Variants in CLIC4 observed in about 807,000 individuals in gnomAD.
CLIC4 encodes the protein chloride intracellular channel protein 4.
In CLIC4, 13 loss-of-function variants were observed where a neutral mutation model predicts 24.6. That is an observed-to-expected ratio of 0.53 (90% CI 0.34 to 0.84). CLIC4 has a LOEUF of 0.84. CLIC4 is among the 40% of genes least tolerant of loss of function. The probability of loss-of-function intolerance (pLI) is 0.01; values close to 1 mark genes in which losing one functional copy is unlikely to be tolerated. For synonymous variants in CLIC4, 104 were observed against 111.3 expected (o/e 0.93, Z 0.41); for missense variants, 227 against 301.7 (o/e 0.75, Z 1.83).
At chr1:24,785,887 AAAG>A (rs1380385616) in intron 1 of CLIC4, among the ~76,000 whole-genome samples, 140 of 151,720 alleles carry the variant, frequency 9.2e-4, no homozygotes, top group Non-Finnish European at 1.8e-3. Context: ...GAAAAGAAAA[AAAG>A]AAAAACTGAA....
chr1:24,783,647 G>A (rs1639232654), intron 1 of CLIC4, among the ~76,000 whole-genome samples: 1 of 152,178 alleles, frequency 6.6e-6, no homozygotes, highest in African/African-American at 2.4e-5. Flanking sequence ...AGGTTGCAGT[G>A]AGTTGAGATT....
intron 1 of CLIC4, among the ~76,000 whole-genome samples, chr1:24,771,197 G>A (rs1340597391): frequency 6.6e-6 from 1 of 152,112 alleles, no homozygotes. Context: ...TGTGTAAAAA[G>A]TTTAGCTTAA....
chr1:24,780,630 A>G (rs1278664142), intron 1 of CLIC4, among the ~76,000 whole-genome samples: 1 of 152,204 alleles, frequency 6.6e-6, no homozygotes, highest in East Asian at 1.9e-4. Flanking sequence ...TAGGCAAATC[A>G]TGATTAATTG....
intron 1 of CLIC4, among the ~76,000 whole-genome samples, chr1:24,751,539 TTATA>T: frequency 6.6e-6 from 1 of 152,246 alleles, no homozygotes; most frequent in Non-Finnish European, 1.5e-5. Flanking sequence ...TGCCAGTCTT[TTATA>T]TATTTACTAG....
At chr1:24,765,381 G>A (rs1386340034) in intron 1 of CLIC4, among the ~76,000 whole-genome samples, 1 of 152,122 alleles carries the variant, frequency 6.6e-6, no homozygotes, top group Non-Finnish European at 1.5e-5. Context: ...AGAGGAGGTT[G>A]GGAGGAAAAG....
At chr1:24,769,961 ATCC>A (rs1006403999) in intron 1 of CLIC4, among the ~76,000 whole-genome samples, 1 of 151,588 alleles carries the variant, frequency 6.6e-6, no homozygotes, top group Non-Finnish European at 1.5e-5. Flanking sequence ...GGCTCAAGTG[ATCC>A]TCCTCCTTTA....
intron 3 of CLIC4, among the ~76,000 whole-genome samples, chr1:24,814,787 C>T (rs1639652089): frequency 6.6e-6 from 1 of 152,182 alleles, no homozygotes; most frequent in Admixed American, 6.5e-5. Flanking sequence ...AGATATGCAG[C>T]TTTGCATCAT....
intron 1 of CLIC4, among the ~76,000 whole-genome samples, chr1:24,756,281 G>T (rs1444483987): frequency 6.6e-6 from 1 of 152,176 alleles, no homozygotes; most frequent in Non-Finnish European, 1.5e-5. Flanking sequence ...TTACAGGCGT[G>T]AGCCACCGCG....
intron 1 of CLIC4, among the ~76,000 whole-genome samples, chr1:24,767,102 G>A (rs1178674369): frequency 6.6e-6 from 1 of 151,370 alleles, no homozygotes; most frequent in Non-Finnish European, 1.5e-5. Context: ...AAAGTTTATG[G>A]ATTTGTGTTG....
intron 2 of CLIC4, among the ~76,000 whole-genome samples, chr1:24,802,711 CTTTT>C (rs535381018): frequency 2.2e-5 from 3 of 136,928 alleles, no homozygotes; most frequent in Non-Finnish European, 1.6e-5. Context: ...TTTTCTTTTT[CTTTT>C]TTTTTTTTTT....
chr1:24,796,983 C>T (rs1639412169), intron 1 of CLIC4, among the ~76,000 whole-genome samples: 1 of 147,438 alleles, frequency 6.8e-6, no homozygotes. Context: ...GAGACAGAGT[C>T]TCGCTCTGTC....
At chr1:24,816,534 C>A (rs1639671375) in intron 3 of CLIC4, among the ~76,000 whole-genome samples, 1 of 152,134 alleles carries the variant, frequency 6.6e-6, no homozygotes, top group Non-Finnish European at 1.5e-5. Context: ...TGGTATGAGC[C>A]ACCAGACCTG....
At chr1:24,822,390 C>T (rs1250562671) in intron 3 of CLIC4, among the ~76,000 whole-genome samples, 1 of 145,458 alleles carries the variant, frequency 6.9e-6, no homozygotes, top group Non-Finnish European at 1.5e-5. Flanking sequence ...GCTGTGTCGC[C>T]CAGGCTGGAG....
intron 1 of CLIC4, among the ~76,000 whole-genome samples, chr1:24,796,994 G>A (rs1048320505): frequency 1.4e-5 from 2 of 146,564 alleles, no homozygotes; most frequent in African/African-American, 5.0e-5. Flanking sequence ...TCGCTCTGTC[G>A]CCCAGGCTGG....
Position 24,841,109 on chromosome 1 carries a change from A to C in CLIC4, c.*172A>C, listed in dbSNP as rs1639937737. ...TAGTTATCTTAAAATATACACTCCT[A>C]AGCAGTATTATTTTAAAATCCTTTA... is the stretch of plus-strand genomic sequence containing the variant. On this transcript the variant is annotated 3_prime_UTR_variant, in exon 6 of 6. Transcript: ENST00000374379. 4.6e-6 allele frequency: 2 copies of C among 433,936 alleles called. No homozygotes were observed. Among genetic ancestry groups the C allele is most frequent in the Middle Eastern group, 3.1e-4 (1 of 3,234 alleles). The allele number at this position is 433,936 out of a possible 1,614,324, so 26.9% of individuals were successfully genotyped here. A position where few individuals can be genotyped will look rare whatever the true frequency, so the allele number is the denominator to read the frequency against.
chr1:24,782,367 T>C (rs1401326962), intron 1 of CLIC4, among the ~76,000 whole-genome samples: 2 of 152,216 alleles, frequency 1.3e-5, no homozygotes, highest in Non-Finnish European at 1.5e-5. Context: ...TTTGTACTTT[T>C]AGGGTATTCT....
intron 2 of CLIC4, among the ~76,000 whole-genome samples, chr1:24,804,866 C>A (rs772213969): frequency 6.6e-6 from 1 of 151,648 alleles, no homozygotes; most frequent in Non-Finnish European, 1.5e-5. Context: ...TTTGAGAGGC[C>A]GGGGCAGGTG....
chr1:24,794,486 G>C (rs930654458), intron 1 of CLIC4, among the ~76,000 whole-genome samples: 1 of 151,806 alleles, frequency 6.6e-6, no homozygotes, highest in African/African-American at 2.4e-5. Flanking sequence ...CCACATGTAT[G>C]TCTTCTTTTG....
chr1:24,746,306 C>A (rs1487275997), intron 1 of CLIC4, among the ~76,000 whole-genome samples: 2 of 152,134 alleles, frequency 1.3e-5, no homozygotes, highest in East Asian at 3.9e-4. Flanking sequence ...TGGCTTCTCC[C>A]CCCGGCGTTG....
Sources: allele counts gnomAD v4.1 joint callset (sites outside exome capture counted in the v4.1 genomes callset), GRCh38; gene constraint gnomAD v4.1.1; transcripts MANE v1.5; gene names NCBI Gene and HGNC (gene_info 2026-07-23, HGNC 2026-07-21).